The following CADM2 variants were observed in gnomAD, a reference collection of about 807,000 sequenced individuals.
The protein encoded by CADM2 is immunoglobulin superfamily member 4D.
CADM2 carries 12 observed loss-of-function variants against 49.8 expected under a neutral mutation model. The ratio of observed to expected loss-of-function variants is 0.24; its 90% CI spans 0.15 to 0.39. The LOEUF is 0.39. CADM2 is among the 10% of genes least tolerant of loss of function. The probability of loss-of-function intolerance (pLI) is 1.00; values close to 1 mark genes in which losing one functional copy is unlikely to be tolerated. For missense variants in CADM2, 378 were observed against 492.3 expected (o/e 0.77, Z 2.20); for synonymous variants, 214 against 175.4 (o/e 1.22, Z -1.74).
intron 1 of CADM2, among the ~76,000 whole-genome samples, chr3:85,725,391 T>C (rs1420011925): frequency 6.6e-6 from 1 of 151,946 alleles, no homozygotes; most frequent in Non-Finnish European, 1.5e-5. Context: ...AATTACTAGA[T>C]CTAAAATCTA....
intron 1 of CADM2, among the ~76,000 whole-genome samples, chr3:85,040,940 A>C (rs1305496200): frequency 6.6e-6 from 1 of 152,210 alleles, no homozygotes; most frequent in African/African-American, 2.4e-5. Context: ...GCACAATATC[A>C]GATTTAAATA....
chr3:85,887,683 C>A (rs921613285), intron 5 of CADM2, among the ~76,000 whole-genome samples: 1 of 152,126 alleles, frequency 6.6e-6, no homozygotes, highest in Non-Finnish European at 1.5e-5. Context: ...AGTTAGACAT[C>A]TTATTATGCT....
chr3:85,005,741 A>C (rs1181164847), intron 1 of CADM2, among the ~76,000 whole-genome samples: 1 of 151,258 alleles, frequency 6.6e-6, no homozygotes, highest in Non-Finnish European at 1.5e-5. Flanking sequence ...ATTTTCACTG[A>C]CCTGATTTGG....
Position 86,070,970 on chromosome 3 carries a change from T to TTCTTCAGCAAGCTTGGA in CADM2, c.*4198_*4199insCTTGGATCTTCAGCAAG, listed in dbSNP as rs1739818313. On this transcript the variant is annotated 3_prime_UTR_variant, in exon 10 of 10. Coordinates refer to ENST00000383699, the MANE Select transcript of CADM2 (RefSeq NM_001167675.2). ...CTTAATGCAAAGGGATTTTAAAGAA[T>TTCTTCAGCAAGCTTGGA]TCTTCAGCAAGATCCAAGAGGTTGC... 1 of 151,928 alleles carries TTCTTCAGCAAGCTTGGA rather than the reference T, an allele frequency of 6.6e-6. No homozygotes were observed. The highest frequency in any genetic ancestry group is 1.5e-5 in the Non-Finnish European group (1 of 67,834). The allele number at this position is 151,928 out of a possible 1,614,324, so 9.4% of individuals were successfully genotyped here.
chr3:85,141,517 C>G (rs889467260), intron 1 of CADM2, among the ~76,000 whole-genome samples: 29 of 152,122 alleles, frequency 1.9e-4, no homozygotes, highest in African/African-American at 6.8e-4. Context: ...TACTGATATA[C>G]TTTGACCAAA....
intron 1 of CADM2, among the ~76,000 whole-genome samples, chr3:85,322,247 T>C (rs372842514): frequency 7.9e-5 from 12 of 152,332 alleles, no homozygotes; most frequent in African/African-American, 2.6e-4. Flanking sequence ...CCAGCTTTGC[T>C]TAATTCTTGT....
At chr3:85,857,775 TTTTC>T (rs1182347583) in intron 3 of CADM2, among the ~76,000 whole-genome samples, 3 of 152,190 alleles carry the variant, frequency 2.0e-5, no homozygotes, top group African/African-American at 7.2e-5. Flanking sequence ...GGTGTCATTG[TTTTC>T]TTTATCATTA....
intron 8 of CADM2, among the ~76,000 whole-genome samples, chr3:86,022,966 G>T (rs1733384628): frequency 1.3e-5 from 2 of 151,752 alleles, no homozygotes; most frequent in Admixed American, 6.6e-5. Context: ...TCATATACCT[G>T]CCCACTGAGT....
At chr3:85,074,679 G>C (rs945751320) in intron 1 of CADM2, among the ~76,000 whole-genome samples, 4 of 152,006 alleles carry the variant, frequency 2.6e-5, no homozygotes, top group Non-Finnish European at 2.9e-5. Context: ...TTATAGAAGA[G>C]GAATTATTTC....
rs950475892 is a variant in CADM2, at chr3:85,055,714, G to A, written c.61+96046G>A. Among the ~76,000 whole-genome samples, 9 of 152,040 alleles carry A rather than the reference G, an allele frequency of 5.9e-5. No homozygotes were observed. The South Asian group carries it at 1.2e-3, about 21-fold the overall frequency. ...TTGAAATAATTTTAATAAGAGTTAC[G>A]GTTAATGATATTAGGGAATAGACTG... On this transcript the variant is annotated intron_variant, in intron 1 of 9. Transcript: ENST00000383699.
At chr3:85,775,798 G>T (rs1248982247) in intron 2 of CADM2, among the ~76,000 whole-genome samples, 1 of 151,802 alleles carries the variant, frequency 6.6e-6, no homozygotes, top group Non-Finnish European at 1.5e-5. Flanking sequence ...AGAAAACTAT[G>T]CTCCAACCCA....
In CADM2 at chr3:85,371,661, A is replaced by ATGTGTGTG. The variant is rs760996256; in HGVS notation, c.62-354851_62-354844dup. Among the ~76,000 whole-genome samples the ATGTGTGTG allele has an allele frequency of 5.2e-3, 280 of 53,478 alleles. 29 individuals are homozygous for ATGTGTGTG. In the Admixed American group the frequency reaches 0.064, roughly 12 times the overall value. 35.1% of individuals were successfully genotyped at this position (53,478 alleles called of 152,430 possible). A position where few individuals can be genotyped will look rare whatever the true frequency, so the allele number is the denominator to read the frequency against. ...TGTGTGTGCATGGGGATATATATAT[A>ATGTGTGTG]TGTGTGTGTGTGTGTGTATATATAT... On this transcript the variant is annotated intron_variant, in intron 1 of 9. Coordinates refer to ENST00000383699, the MANE Select transcript of CADM2 (RefSeq NM_001167675.2).
intron 1 of CADM2, among the ~76,000 whole-genome samples, chr3:85,601,627 TA>T (rs912110220): frequency 1.3e-4 from 19 of 151,592 alleles, no homozygotes; most frequent in Non-Finnish European, 2.4e-4. Context: ...TAATTTACAC[TA>T]TTTTTAAAAA....
intron 1 of CADM2, among the ~76,000 whole-genome samples, chr3:85,360,257 A>G (rs1231027306): frequency 1.3e-5 from 2 of 152,146 alleles, no homozygotes; most frequent in East Asian, 3.9e-4. Context: ...TAGGACTTAT[A>G]ATACCAGTGA....
chr3:85,534,474 T>C (rs1472626446), intron 1 of CADM2, among the ~76,000 whole-genome samples: 1 of 152,232 alleles, frequency 6.6e-6, no homozygotes, highest in East Asian at 1.9e-4. Context: ...TGGTAAGTTA[T>C]GGCCCATTGG....
At chr3:85,506,123 A>G (rs1009556881) in intron 1 of CADM2, among the ~76,000 whole-genome samples, 1 of 152,198 alleles carries the variant, frequency 6.6e-6, no homozygotes, top group African/African-American at 2.4e-5. Context: ...TTTCCCCTGC[A>G]TTATTTTCAT....
At chr3:85,896,762 T>C (rs974799134) in intron 5 of CADM2, among the ~76,000 whole-genome samples, 1 of 152,204 alleles carries the variant, frequency 6.6e-6, no homozygotes, top group Non-Finnish European at 1.5e-5. Flanking sequence ...CTTCTAATTT[T>C]CAAGTTGGCA....
chr3:85,962,467 A>G (rs1418774686), intron 8 of CADM2, among the ~76,000 whole-genome samples: 3 of 151,700 alleles, frequency 2.0e-5, no homozygotes, highest in Non-Finnish European at 2.9e-5. Flanking sequence ...TCTTGACTCT[A>G]TTTACCTCAC....
intron 8 of CADM2, among the ~76,000 whole-genome samples, chr3:86,044,504 CAAT>C (rs1223093459): frequency 6.6e-6 from 1 of 152,188 alleles, no homozygotes; most frequent in Non-Finnish European, 1.5e-5. Context: ...ATCAAAACCA[CAAT>C]GAGATACCAT....
Sources: allele counts gnomAD v4.1 joint callset (sites outside exome capture counted in the v4.1 genomes callset), GRCh38; gene constraint gnomAD v4.1.1; transcripts MANE v1.5; gene names NCBI Gene and HGNC (gene_info 2026-07-23, HGNC 2026-07-21).